DHRS11: variants seen among roughly 807,000 people sequenced by gnomAD.
The protein encoded by DHRS11 is dehydrogenase/reductase SDR family member 11.
DHRS11 carries 18 observed loss-of-function variants against 30.7 expected under a neutral mutation model. The observed-to-expected ratio is 0.59, with a 90% CI of 0.41 to 0.87. The LOEUF (loss-of-function observed/expected upper bound fraction) is 0.87. Ranked by LOEUF, DHRS11 falls within the 40% of genes least tolerant of loss-of-function variation. DHRS11 has a pLI of 0.00. For missense variants in DHRS11, 300 were observed against 349.0 expected (o/e 0.86, Z 1.12); for synonymous variants, 123 against 139.6 (o/e 0.88, Z 0.84).
chr17:36,594,453 A>C (rs1411759555), intron 1 of DHRS11: 1 of 158,434 alleles, frequency 6.3e-6, no homozygotes, highest in Admixed American at 6.0e-5. Flanking sequence ...TATTTATTTG[A>C]GACACAGTCT....
intron 5 of DHRS11, 97 bp downstream of exon 5, chr17:36,599,860 C>T: frequency 6.3e-7 from 1 of 1,585,936 alleles, no homozygotes; most frequent in South Asian, 1.1e-5. Flanking sequence ...GCCTTTGTGG[C>T]TCCTCCTGGA....
intron 1 of DHRS11, among the ~76,000 whole-genome samples, chr17:36,594,129 G>A (rs2074790041): frequency 6.6e-6 from 1 of 152,214 alleles, no homozygotes; most frequent in African/African-American, 2.4e-5. Context: ...CCTTTAGGTA[G>A]GGAGAGAAGA....
Position 36,598,195 on chromosome 17 carries a change from G to C in DHRS11, c.390G>C (p.Arg130=). 1 of 1,614,112 alleles carries C rather than the reference G, an allele frequency of 6.2e-7. No individual in the cohort carries two copies. The highest frequency in any genetic ancestry group is 8.5e-7 in the Non-Finnish European group (1 of 1,180,010). ...TGCTGGCCCTCAGCATCTGCACACG[G>C]GAAGCCTACCAGTCCATGAAGGAGC... The part of the protein sequence containing the change: ...VNVLALSICT[R]EAYQSMKERN... The change falls in exon 3 of 7, where the codon CGG becomes CGC. Residue 130 remains arginine (R), a synonymous_variant. Transcript: ENST00000618403.
In DHRS11 at chr17:36,600,464, TTGTC is replaced by T. The variant is rs1379117061; in HGVS notation, c.*264_*267del. 1.7e-6 allele frequency: 1 copy of T among 585,408 alleles called. No homozygotes were observed. Among genetic ancestry groups the T allele is most frequent in the South Asian group, 2.1e-5 (1 of 48,442 alleles). 36.3% of individuals were successfully genotyped at this position (585,408 alleles called of 1,614,324 possible). On this transcript the variant is annotated 3_prime_UTR_variant, in exon 7 of 7. Transcript: ENST00000618403. The stretch of plus-strand genomic sequence containing the variant: ...TCTTGTGCCCCTGGGCACTTGGCCT[TTGTC>T]TGCTCTCAGTGTCTTCCCTTTGACA...
chr17:36,600,288 G>A lies in DHRS11; in HGVS notation c.*85G>A, dbSNP rs758219265. On this transcript the variant is annotated 3_prime_UTR_variant, in exon 7 of 7. Coordinates refer to ENST00000618403, the MANE Select transcript of DHRS11 (RefSeq NM_024308.4). ...TTTTAGGTGTTGATTTCTGGATCAC[G>A]GGATACCACTTCCTGTCCACACCCC... The A allele has an allele frequency of 1.4e-4, 219 of 1,534,258 alleles. No individual in the cohort carries two copies. The highest frequency in any genetic ancestry group is 1.3e-3 in the Admixed American group (76 of 57,974).
At chr17:36,599,556 A>G (rs2074838881) in intron 4 of DHRS11, 115 bp from the exon 5 acceptor site, 5 of 1,051,190 alleles carry the variant, frequency 4.8e-6, no homozygotes, top group African/African-American at 1.6e-5. Context: ...CCGCTGCCGG[A>G]TATCAGGCAG....
At chr17:36,594,423 A>AGTTT (rs2074792426) in intron 1 of DHRS11, among the ~76,000 whole-genome samples, 1 of 151,716 alleles carries the variant, frequency 6.6e-6, no homozygotes, top group Admixed American at 6.6e-5. Context: ...CCAGGACTTG[A>AGTTT]GTTTATTTAT....
intron 3 of DHRS11, 59 bp downstream of exon 3, chr17:36,598,316 C>A: frequency 6.7e-7 from 1 of 1,497,480 alleles, no homozygotes. Flanking sequence ...TGTGCTGCAG[C>A]TCACCTGACC....
Position 36,591,920 on chromosome 17 carries a change from T to TCGG in DHRS11, c.-79_-77dup, listed in dbSNP as rs1011756630. 3.4e-5 allele frequency: 41 copies of TCGG among 1,200,508 alleles called. No homozygotes were observed. The highest frequency in any genetic ancestry group is 2.7e-4 in the African/African-American group (17 of 63,250). The allele number at this position is 1,200,508 out of a possible 1,614,324, so 74.4% of individuals were successfully genotyped here. ...TAGGCGCGGATCGGACCCAAGCAGG[T>TCGG]CGGCGGCGGCGGCAGGAGAGCGGCC... On this transcript the variant is annotated 5_prime_UTR_variant, in exon 1 of 7. Coordinates refer to ENST00000618403, the MANE Select transcript of DHRS11 (RefSeq NM_024308.4).
In DHRS11 at chr17:36,600,166, G is replaced by C. The variant is rs757812456; in HGVS notation, c.746G>C (p.Gly249Ala). The change falls in exon 7 of 7, where the codon GGA becomes GCA. Residue 249 changes from glycine (G) to alanine (A), a missense_variant. By Grantham distance (60) the Gly-to-Ala change is moderately conservative (BLOSUM62 0). Transcript: ENST00000618403. ...VLSTPAHIQIGDIQMRPTEQV... is the reference protein window; with the variant it reads ...VLSTPAHIQIADIQMRPTEQV... ...CATGCCTTGTACCTTCCACAGATTG[G>C]AGACATCCAGATGAGGCCCACGGAG... The C allele has an allele frequency of 6.2e-7, 1 of 1,614,088 alleles. No individual in the cohort carries two copies. The highest frequency in any genetic ancestry group is 8.5e-7 in the Non-Finnish European group (1 of 1,179,994).
At chr17:36,594,403 CCT>C (rs1433875894) in intron 1 of DHRS11, among the ~76,000 whole-genome samples, 1 of 152,052 alleles carries the variant, frequency 6.6e-6, no homozygotes, top group Non-Finnish European at 1.5e-5. Flanking sequence ...GTCCCTGGCC[CCT>C]GTTCCACCCA....
chr17:36,592,195 C>T lies in DHRS11; in HGVS notation c.147+39C>T. ...GAGGGCGGGGACGTCGCGGGCGGGT[C>T]GTTTCCCCGGAGTCGGGTTCACCTG... On this transcript the variant is annotated intron_variant, in intron 1 of 6. Transcript: ENST00000618403. This position sits in a 1 kb window ranked among gnomAD's most constrained non-coding sequence, Gnocchi z 4.4. 1 of 1,251,192 alleles carries T rather than the reference C, an allele frequency of 8.0e-7. No homozygotes were observed. The highest frequency in any genetic ancestry group is 1.0e-6 in the Non-Finnish European group (1 of 998,250). 77.5% of individuals were successfully genotyped at this position (1,251,192 alleles called of 1,614,324 possible).
chr17:36,598,999 A>G lies in DHRS11; in HGVS notation c.531A>G (p.Thr177=). 6.2e-7 allele frequency: 1 copy of G among 1,613,348 alleles called. No individual in the cohort carries two copies. The highest frequency in any genetic ancestry group is 1.1e-5 in the South Asian group (1 of 91,072). The change falls in exon 4 of 7, where the codon ACA becomes ACG. Residue 177 remains threonine (T), a synonymous_variant. Transcript: ENST00000618403. ...CCAAGTATGCCGTCACTGCGCTGAC[A>G]GAGGGACTGAGGCAAGAGCTTCGGG... The part of the protein sequence containing the change: ...SATKYAVTAL[T]EGLRQELREA...
At position 36,600,025 on chromosome 17, in the gene DHRS11, C is replaced by G. The variant is rs139174854; in HGVS notation, c.729C>G (p.Pro243=). The G allele has an allele frequency of 1.2e-6, 2 of 1,613,710 alleles. No homozygotes were observed. Among genetic ancestry groups the G allele is most frequent in the African/African-American group, 1.3e-5 (1 of 74,920 alleles). The change falls in exon 6 of 7, where the codon CCC becomes CCG. Residue 243 remains proline (P), a synonymous_variant. Coordinates refer to ENST00000618403, the MANE Select transcript of DHRS11 (RefSeq NM_024308.4). Reference sequence around the variant, plus strand: ...CTGTTATCTACGTCCTCAGCACCCCCGCACACATCCAGGTGAGTCTGGCCC... The same window carrying G: ...CTGTTATCTACGTCCTCAGCACCCCGGCACACATCCAGGTGAGTCTGGCCC... The part of the protein sequence containing the change: ...AEAVIYVLST[P]AHIQIGDIQM...
intron 2 of DHRS11, chr17:36,596,757 C>T (rs1292712955): frequency 6.4e-6 from 3 of 470,860 alleles, no homozygotes; most frequent in Non-Finnish European, 1.3e-5. Context: ...TAAAAGTATC[C>T]TGAGAAGTTG....
chr17:36,591,911 C>T lies in DHRS11; in HGVS notation c.-99C>T. The T allele has an allele frequency of 1.7e-6, 2 of 1,183,802 alleles. No homozygotes were observed. Among genetic ancestry groups the T allele is most frequent in the South Asian group, 8.5e-5 (2 of 23,486 alleles). The allele number at this position is 1,183,802 out of a possible 1,614,324, so 73.3% of individuals were successfully genotyped here. On this transcript the variant is annotated 5_prime_UTR_variant, in exon 1 of 7. Coordinates refer to ENST00000618403, the MANE Select transcript of DHRS11 (RefSeq NM_024308.4). Reference sequence around the variant, plus strand: ...TGGTGGGTCTAGGCGCGGATCGGACCCAAGCAGGTCGGCGGCGGCGGCAGG... The same window carrying T: ...TGGTGGGTCTAGGCGCGGATCGGACTCAAGCAGGTCGGCGGCGGCGGCAGG...
intron 3 of DHRS11, 32 bp downstream of exon 3, chr17:36,598,289 C>A: frequency 6.2e-7 from 1 of 1,602,364 alleles, no homozygotes; most frequent in Non-Finnish European, 8.5e-7. Flanking sequence ...GTACCACTCA[C>A]CCACCAGGCT....
chr17:36,600,336 T>C lies in DHRS11; in HGVS notation c.*133T>C. 2 of 1,059,882 alleles carry C rather than the reference T, an allele frequency of 1.9e-6. No homozygotes were observed. Among genetic ancestry groups the C allele is most frequent in the Non-Finnish European group, 2.7e-6 (2 of 729,768 alleles). 65.7% of individuals were successfully genotyped at this position (1,059,882 alleles called of 1,614,324 possible). On this transcript the variant is annotated 3_prime_UTR_variant, in exon 7 of 7. Coordinates refer to ENST00000618403, the MANE Select transcript of DHRS11 (RefSeq NM_024308.4). ...CCCGACCAGGGGCTAGAAAATTTGT[T>C]TGAGATTTTTATATCATCTTGTCAA...
chr17:36,598,861 G>T, intron 3 of DHRS11, 60 bp from the exon 4 acceptor site: 2 of 1,555,970 alleles, frequency 1.3e-6, no homozygotes, highest in South Asian at 2.4e-5. Context: ...TACGGCAGGA[G>T]CACCACTGGT....
Sources: allele counts gnomAD v4.1 joint callset (sites outside exome capture counted in the v4.1 genomes callset), GRCh38; gene constraint gnomAD v4.1.1; non-coding constraint Gnocchi (gnomAD v3.1); transcripts MANE v1.5; gene names NCBI Gene and HGNC (gene_info 2026-07-23, HGNC 2026-07-21).